Variants in FBRSL1 observed in about 807,000 individuals in gnomAD.
FBRSL1 encodes the protein fibrosin-1-like protein.
A neutral mutation model predicts 89.6 loss-of-function variants in FBRSL1; 51 were observed. That is an observed-to-expected ratio of 0.57 (90% CI 0.45 to 0.72). The LOEUF (loss-of-function observed/expected upper bound fraction) is 0.72. FBRSL1 is among the 30% of genes least tolerant of loss of function. FBRSL1 has a pLI of 0.00. For synonymous variants in FBRSL1, 779 were observed against 681.1 expected, an observed-to-expected ratio of 1.14 and a Z score of -2.24; for missense variants, 1,618 against 1,451.8, an observed-to-expected ratio of 1.11 and a Z score of -1.86.
At chr12:132,540,611 G>T (rs1014639927) in intron 4 of FBRSL1, among the ~76,000 whole-genome samples, 2 of 151,900 alleles carry the variant, frequency 1.3e-5, no homozygotes, top group Non-Finnish European at 2.9e-5. Context: ...CCCCTGACCC[G>T]CCCACCACAC....
chr12:132,513,125 C>T (rs1432532567), intron 2 of FBRSL1, among the ~76,000 whole-genome samples: 1 of 152,222 alleles, frequency 6.6e-6, no homozygotes, highest in Admixed American at 6.5e-5. Flanking sequence ...ATCCAGGTTT[C>T]TCTGGATTTG....
chr12:132,522,431 C>T (rs934892444), intron 2 of FBRSL1, among the ~76,000 whole-genome samples: 3 of 152,152 alleles, frequency 2.0e-5, no homozygotes, highest in African/African-American at 4.8e-5. Flanking sequence ...CATGTTCCTA[C>T]GGTTACTGCC....
chr12:132,563,483 T>G (rs2039318537), intron 5 of FBRSL1, among the ~76,000 whole-genome samples: 1 of 151,944 alleles, frequency 6.6e-6, no homozygotes, highest in Admixed American at 6.6e-5. Flanking sequence ...TCTGTGGATC[T>G]CTGTCCGTCG....
intron 1 of FBRSL1, among the ~76,000 whole-genome samples, chr12:132,492,481 T>C (rs145511373): frequency 5.3e-4 from 80 of 152,342 alleles, no homozygotes; most frequent in Non-Finnish European, 7.5e-4. Flanking sequence ...GTGTCTCCTA[T>C]GGGGTCTGGT....
At chr12:132,540,782 G>T (rs868102385) in intron 4 of FBRSL1, among the ~76,000 whole-genome samples, 4 of 151,976 alleles carry the variant, frequency 2.6e-5, no homozygotes, top group Admixed American at 6.6e-5. Flanking sequence ...ATGGCAGGAG[G>T]ACTCCCAGCC....
intron 4 of FBRSL1, among the ~76,000 whole-genome samples, chr12:132,543,214 C>T (rs2037411820): frequency 6.6e-6 from 1 of 152,236 alleles, no homozygotes; most frequent in Admixed American, 6.5e-5. Flanking sequence ...CTGCCACGCA[C>T]GTTGCCTCCT....
chr12:132,538,850 G>C (rs1187220920), intron 4 of FBRSL1, among the ~76,000 whole-genome samples: 1 of 152,180 alleles, frequency 6.6e-6, no homozygotes, highest in South Asian at 2.1e-4. Context: ...CCACCACCCG[G>C]TTATCTTGTG....
Position 132,571,247 on chromosome 12 carries a change from G to C in FBRSL1, c.1377+16G>C, listed in dbSNP as rs982721149. The C allele has an allele frequency of 6.8e-7, 1 of 1,472,124 alleles. No homozygotes were observed. The highest frequency in any genetic ancestry group is 1.4e-5 in the South Asian group (1 of 72,856). The allele number at this position is 1,472,124 out of a possible 1,614,324, so 91.2% of individuals were successfully genotyped here. A position where few individuals can be genotyped will look rare whatever the true frequency, so the allele number is the denominator to read the frequency against. ...GGAGTGCCAGGTGACTATCCGCCTC[G>C]CCCCGCCGGGAGCCCGCGGCCAACG... On this transcript the variant is annotated intron_variant, in intron 9 of 18. Coordinates refer to ENST00000680143, the MANE Select transcript of FBRSL1 (RefSeq NM_001367871.1).
intron 1 of FBRSL1, among the ~76,000 whole-genome samples, chr12:132,504,938 T>C (rs1362700240): frequency 3.3e-5 from 5 of 152,170 alleles, no homozygotes; most frequent in African/African-American, 1.2e-4. Flanking sequence ...GAGACCAGCC[T>C]GGCCAACATG....
In FBRSL1 at chr12:132,548,116, G is replaced by A. The variant is rs1593439740; in HGVS notation, c.645+84G>A. 4.0e-6 allele frequency: 6 copies of A among 1,488,786 alleles called. No individual in the cohort carries two copies. In the African/African-American group the frequency reaches 8.3e-5, roughly 21 times the overall value. The allele number at this position is 1,488,786 out of a possible 1,614,324, so 92.2% of individuals were successfully genotyped here. A position where few individuals can be genotyped will look rare whatever the true frequency, so the allele number is the denominator to read the frequency against. ...TTGGCCCTGTGAGGTGGGCCCTGGAGACCAGGCAGAAGATCGGGCCTTGGG... is the reference window on the plus strand; with the variant it reads ...TTGGCCCTGTGAGGTGGGCCCTGGAAACCAGGCAGAAGATCGGGCCTTGGG... On this transcript the variant is annotated intron_variant, in intron 5 of 18. Coordinates refer to ENST00000680143, the MANE Select transcript of FBRSL1 (RefSeq NM_001367871.1).
intron 15 of FBRSL1, among the ~76,000 whole-genome samples, chr12:132,577,228 G>C (rs537127301): frequency 1.3e-5 from 2 of 152,150 alleles, no homozygotes; most frequent in South Asian, 4.2e-4. Flanking sequence ...GTCCTGGGGG[G>C]CCTTCAGCCC....
At position 132,582,250 on chromosome 12, in the gene FBRSL1, A is replaced by G. The variant is rs79031793; in HGVS notation, c.2185A>G (p.Lys729Glu). 29 of 1,549,854 alleles carry G rather than the reference A, an allele frequency of 1.9e-5. No individual in the cohort carries two copies. The East Asian group carries it at 5.9e-4, about 31-fold the overall frequency. ...TNHDREPDNGKEEQERDLLEK... is the reference protein window; with the variant it reads ...TNHDREPDNGEEEQERDLLEK... The stretch of plus-strand genomic sequence containing the variant: ...CCATGACCGAGAGCCGGACAATGGC[A>G]AGGAGGAGCAGGAACGGTGAGTGGC... Residue 729 changes from lysine (K) to glutamate (E), a missense_variant, in exon 18 of 19, where the codon AAG (lysine) becomes GAG (glutamate). By Grantham distance (56) the Lys-to-Glu change is moderately conservative. Coordinates refer to ENST00000680143, the MANE Select transcript of FBRSL1 (RefSeq NM_001367871.1).
intron 2 of FBRSL1, among the ~76,000 whole-genome samples, chr12:132,516,490 T>C (rs927809007): frequency 6.6e-6 from 1 of 152,194 alleles, no homozygotes; most frequent in Non-Finnish European, 1.5e-5. Context: ...GCTTAGATAA[T>C]CTGAAGAGTC....
chr12:132,537,412 C>T (rs116407483), intron 4 of FBRSL1, among the ~76,000 whole-genome samples: 1,698 of 152,164 alleles, frequency 0.011, 43 homozygotes, highest in African/African-American at 0.039. Flanking sequence ...TGGGTTGGGC[C>T]GAACCCAGAG....
chr12:132,529,971 G>A (rs1320547694), intron 4 of FBRSL1, among the ~76,000 whole-genome samples: 5 of 152,338 alleles, frequency 3.3e-5, no homozygotes, highest in Admixed American at 3.3e-4. Context: ...TGTGCGCGGG[G>A]GCAACCCCTC....
chr12:132,561,501 G>A (rs934040244), intron 5 of FBRSL1, among the ~76,000 whole-genome samples: 1 of 152,204 alleles, frequency 6.6e-6, no homozygotes, highest in African/African-American at 2.4e-5. Flanking sequence ...GGCTTTGGGG[G>A]CTGTGCTTTG....
chr12:132,568,203 G>A (rs1315287358), intron 6 of FBRSL1, among the ~76,000 whole-genome samples: 1 of 152,238 alleles, frequency 6.6e-6, no homozygotes, highest in African/African-American at 2.4e-5. Flanking sequence ...GCCTAGGCGG[G>A]CAGCATCTCC....
chr12:132,566,852 G>C (rs373420469), intron 5 of FBRSL1, among the ~76,000 whole-genome samples: 15 of 151,952 alleles, frequency 9.9e-5, no homozygotes, highest in African/African-American at 3.6e-4. Flanking sequence ...GTGTCCTGTG[G>C]GTGCTGGGAG....
At chr12:132,575,922 C>T (rs1345681267) in intron 14 of FBRSL1, among the ~76,000 whole-genome samples, 3 of 152,226 alleles carry the variant, frequency 2.0e-5, no homozygotes, top group Non-Finnish European at 2.9e-5. Flanking sequence ...ACAGTGGGGT[C>T]TTGTTTGGCT....
Sources: allele counts gnomAD v4.1 joint callset (sites outside exome capture counted in the v4.1 genomes callset), GRCh38; gene constraint gnomAD v4.1.1; transcripts MANE v1.5; gene names NCBI Gene and HGNC (gene_info 2026-07-23, HGNC 2026-07-21).